Variants in GRB10 observed in about 807,000 individuals in gnomAD.
GRB10 encodes the protein growth factor receptor bound protein 10.
Under a neutral mutation model 80.9 loss-of-function variants are expected in GRB10, and 20 were observed. The observed-to-expected ratio is 0.25, with a 90% CI of 0.17 to 0.36. The LOEUF (loss-of-function observed/expected upper bound fraction) is 0.36. Among genes scored for constraint, GRB10 ranks in the 10% least tolerant of loss-of-function variants. GRB10 has a pLI of 1.00. For synonymous variants in GRB10, 291 were observed against 291.5 expected, an observed-to-expected ratio of 1.00 and a Z score of 0.02; for missense variants, 548 against 747.7, an observed-to-expected ratio of 0.73 and a Z score of 3.12.
At chr7:50,790,739 A>C (rs923508041) in intron 1 of GRB10, among the ~76,000 whole-genome samples, 2 of 152,270 alleles carry the variant, frequency 1.3e-5, no homozygotes, top group Admixed American at 6.5e-5. Flanking sequence ...CATTCCTTAA[A>C]TTATGCCACC....
rs893862434 is a variant in GRB10, at chr7:50,619,370, T to C, written c.662-85A>G. The C allele has an allele frequency of 3.6e-6, 3 of 830,452 alleles. No individual in the cohort carries two copies. The African/African-American group carries it at 5.0e-5, about 14-fold the overall frequency. The allele number at this position is 830,452 out of a possible 1,614,324, so 51.4% of individuals were successfully genotyped here. Reference sequence around the variant, plus strand: ...CAACCAAATGGAAGATTTGTTCAACTTTCTATTCTTCTTTAAACATTATGA... The same window carrying C: ...CAACCAAATGGAAGATTTGTTCAACCTTCTATTCTTCTTTAAACATTATGA... On this transcript the variant is annotated intron_variant, in intron 8 of 18. Transcript: ENST00000401949.
In GRB10 at chr7:50,591,694, T is replaced by A. The variant is rs941681006; in HGVS notation, c.*1258A>T. The A allele has an allele frequency of 6.6e-6, 1 of 152,244 alleles. No homozygotes were observed. The highest frequency in any genetic ancestry group is 2.4e-5 in the African/African-American group (1 of 41,454). 9.4% of individuals were successfully genotyped at this position (152,244 alleles called of 1,614,324 possible). A position where few individuals can be genotyped will look rare whatever the true frequency, so the allele number is the denominator to read the frequency against. ...GTGTTGTGTTGACAAAACTCTTCCA[T>A]GTCCACAACCACTGTGAGGTACTTC... is the stretch of plus-strand genomic sequence containing the variant. On this transcript the variant is annotated 3_prime_UTR_variant, in exon 19 of 19. Transcript: ENST00000401949.
intron 2 of GRB10, among the ~76,000 whole-genome samples, chr7:50,778,913 T>TA (rs895029714): frequency 1.3e-5 from 2 of 152,208 alleles, no homozygotes; most frequent in Non-Finnish European, 2.9e-5. Flanking sequence ...CAAACCTTTC[T>TA]AAAAGTGTTC....
rs1362373636 is a variant in GRB10, at chr7:50,780,634, C to G, written c.-224G>C. On this transcript the variant is annotated 5_prime_UTR_variant, in exon 2 of 19. Transcript: ENST00000401949. ...GGGCCTGGGGATACATACCGAGAGG[C>G]AGTCAGCTCTGATGTAGGTGGTTCA... 6.6e-6 allele frequency: 1 copy of G among 152,198 alleles called. No homozygotes were observed. Among genetic ancestry groups the G allele is most frequent in the Non-Finnish European group, 1.5e-5 (1 of 68,040 alleles). 9.4% of individuals were successfully genotyped at this position (152,198 alleles called of 1,614,324 possible). A position where few individuals can be genotyped will look rare whatever the true frequency, so the allele number is the denominator to read the frequency against.
upstream of GRB10, among the ~76,000 whole-genome samples, chr7:50,785,053 T>C (rs1050440378): frequency 6.6e-6 from 1 of 152,212 alleles, no homozygotes; most frequent in Non-Finnish European, 1.5e-5. Flanking sequence ...CCAGAAAGAT[T>C]TGGTGGATCA....
intron 5 of GRB10, among the ~76,000 whole-genome samples, chr7:50,693,910 A>C (rs2063126628): frequency 6.6e-6 from 1 of 151,996 alleles, no homozygotes; most frequent in Non-Finnish European, 1.5e-5. Context: ...AAGCAGTTGC[A>C]GTCAGCAAAG....
intron 17 of GRB10, among the ~76,000 whole-genome samples, chr7:50,601,416 CT>C (rs2047571186): frequency 6.6e-6 from 1 of 152,090 alleles, no homozygotes; most frequent in Non-Finnish European, 1.5e-5. Context: ...ACAAACAAAC[CT>C]GATTTACCCA....
At position 50,649,106 on chromosome 7, in the gene GRB10, C is replaced by T. The variant is rs2057656856; in HGVS notation, c.504+20616G>A. Among the ~76,000 whole-genome samples, 2 of 151,950 alleles carry T rather than the reference C, an allele frequency of 1.3e-5. 1 individual carries two copies. The highest frequency in any genetic ancestry group is 4.2e-4 in the South Asian group (2 of 4,798). On this transcript the variant is annotated intron_variant, in intron 7 of 18. Transcript: ENST00000401949. The stretch of plus-strand genomic sequence containing the variant: ...AAAACAAGGCCATCGTCCTTGTACT[C>T]GTCTGCCTGGGATGTGCTGGGCTCC...
chr7:50,746,331 C>T (rs796562814), intron 3 of GRB10, among the ~76,000 whole-genome samples: 17 of 152,194 alleles, frequency 1.1e-4, no homozygotes, highest in African/African-American at 3.6e-4. Context: ...ACAGTCAAAC[C>T]GTCATTAAAT....
chr7:50,694,331 A>C (rs1324108369), intron 5 of GRB10, among the ~76,000 whole-genome samples: 1 of 152,116 alleles, frequency 6.6e-6, no homozygotes, highest in Non-Finnish European at 1.5e-5. Flanking sequence ...CTCAAAAACA[A>C]ACACACACCA....
chr7:50,671,910 A>C (rs2060393407), intron 6 of GRB10, among the ~76,000 whole-genome samples: 1 of 152,248 alleles, frequency 6.6e-6, no homozygotes, highest in Non-Finnish European at 1.5e-5. Context: ...TCACAATAGA[A>C]GGGACAGTGA....
chr7:50,695,728 T>C (rs1040669740), intron 5 of GRB10, among the ~76,000 whole-genome samples: 1 of 152,246 alleles, frequency 6.6e-6, no homozygotes, highest in Non-Finnish European at 1.5e-5. Flanking sequence ...CTGTCTGCTA[T>C]AGGTTTAGAT....
At chr7:50,628,683 A>G (rs868651233) in intron 7 of GRB10, among the ~76,000 whole-genome samples, 1 of 152,254 alleles carries the variant, frequency 6.6e-6, no homozygotes, top group Admixed American at 6.5e-5. Context: ...ACTCTCAGGT[A>G]GGGTCACTGC....
intron 7 of GRB10, among the ~76,000 whole-genome samples, chr7:50,649,997 G>A (rs2153615802): frequency 6.6e-6 from 1 of 152,260 alleles, no homozygotes; most frequent in African/African-American, 2.4e-5. Context: ...CAGAGAGATG[G>A]CATCTGACGG....
At chr7:50,687,302 A>C (rs576659243) in intron 5 of GRB10, among the ~76,000 whole-genome samples, 1 of 152,338 alleles carries the variant, frequency 6.6e-6, no homozygotes, top group South Asian at 2.1e-4. Flanking sequence ...TACATTCCCC[A>C]GCAGTCAGGC....
At chr7:50,732,398 AGCCAG>A in intron 3 of GRB10, 30 bp from the exon 4 acceptor site, 1 of 1,323,812 alleles carries the variant, frequency 7.6e-7, no homozygotes, top group Admixed American at 1.8e-5. Flanking sequence ...TGAGAAGCCA[AGCCAG>A]AAAAAAAAAA....
intron 9 of GRB10, among the ~76,000 whole-genome samples, 181 bp from the exon 10 acceptor site, chr7:50,618,320 G>T (rs1007258398): frequency 6.6e-6 from 1 of 152,154 alleles, no homozygotes; most frequent in African/African-American, 2.4e-5. Flanking sequence ...TCAAAAGGTT[G>T]TATTTTGTTT....
At chr7:50,719,535 CGAGGGGAGG>C (rs2067388521) in intron 4 of GRB10, among the ~76,000 whole-genome samples, 1 of 64,732 alleles carries the variant, frequency 1.5e-5, no homozygotes, top group Admixed American at 2.4e-4. Flanking sequence ...GGGTAGGGGG[CGAGGGGAGG>C]GAGAGCATTA....
intron 1 of GRB10, among the ~76,000 whole-genome samples, chr7:50,789,726 T>C (rs1159118699): frequency 6.6e-6 from 1 of 152,076 alleles, no homozygotes; most frequent in Admixed American, 6.6e-5. Context: ...AAGTAGATGG[T>C]TCAAAAATAT....
Sources: gnomAD v4.1 joint callset for allele counts (sites outside exome capture counted in the v4.1 genomes callset) on GRCh38, gnomAD v4.1.1 for gene constraint, MANE v1.5 for transcripts, NCBI Gene and HGNC (gene_info 2026-07-23, HGNC 2026-07-21) for gene names.